ESR1: variants seen among roughly 807,000 people sequenced by gnomAD.
ESR1 encodes estrogen receptor 1, also known as estrogen receptor.
ESR1 carries 12 observed loss-of-function variants against 52.7 expected under a neutral mutation model. The observed-to-expected ratio is 0.23, with a 90% CI of 0.15 to 0.37. The LOEUF is 0.37. Ranked by LOEUF, ESR1 falls within the 10% of genes least tolerant of loss-of-function variation. The pLI, the probability that ESR1 is intolerant of heterozygous loss-of-function variation, is 1.00. For synonymous variants in ESR1, 305 were observed against 316.8 expected (o/e 0.96, Z 0.39); for missense variants, 584 against 779.7 (o/e 0.75, Z 2.99).
At chr6:152,022,338 T>C (rs1000678955) in intron 5 of ESR1, among the ~76,000 whole-genome samples, 11 of 152,340 alleles carry the variant, frequency 7.2e-5, no homozygotes, top group Middle Eastern at 3.4e-3. Context: ...GAGGTAGATG[T>C]TGAGCAACTC....
At chr6:152,028,341 C>G (rs553944094) in intron 5 of ESR1, among the ~76,000 whole-genome samples, 9 of 152,158 alleles carry the variant, frequency 5.9e-5, no homozygotes, top group African/African-American at 2.2e-4. Context: ...CGAAGCAGAG[C>G]GAGGCATCGC....
chr6:152,054,245 C>T (rs528153809), intron 5 of ESR1, among the ~76,000 whole-genome samples: 16 of 151,990 alleles, frequency 1.1e-4, no homozygotes, highest in South Asian at 4.2e-4. Context: ...TCAGACAAAC[C>T]TCTGAATTTC....
intron 5 of ESR1, among the ~76,000 whole-genome samples, chr6:152,026,888 A>C (rs1314400384): frequency 6.6e-6 from 1 of 152,138 alleles, no homozygotes; most frequent in African/African-American, 2.4e-5. Context: ...GTTTGTCAAA[A>C]TCAAATGATA....
intron 4 of ESR1, among the ~76,000 whole-genome samples, chr6:151,956,573 C>T (rs1215060694): frequency 1.3e-5 from 2 of 151,976 alleles, no homozygotes; most frequent in African/African-American, 2.4e-5. Context: ...TGGATGACAG[C>T]ACTGAGGTAG....
chr6:152,118,175 G>A (rs2051231752), intron 6 of ESR1: 1 of 152,162 alleles, frequency 6.6e-6, no homozygotes, highest in South Asian at 2.1e-4. Context: ...AGATCTAACA[G>A]CTTTAATCTC....
At chr6:152,032,097 A>G (rs992441059) in intron 5 of ESR1, among the ~76,000 whole-genome samples, 45 of 152,200 alleles carry the variant, frequency 3.0e-4, no homozygotes, top group Non-Finnish European at 5.3e-4. Context: ...ACAACCCTTC[A>G]TGCTAAAAAC....
At chr6:151,663,350 C>A (rs146933756) in intron 1 of ESR1, among the ~76,000 whole-genome samples, 24 of 152,292 alleles carry the variant, frequency 1.6e-4, no homozygotes, top group African/African-American at 5.8e-4. Context: ...ATTTCAAAAT[C>A]TCTTTTTCTG....
chr6:151,973,755 A>G lies in ESR1; in HGVS notation c.1096+29247A>G, dbSNP rs1246393611. 5.3e-5 allele frequency among the ~76,000 whole-genome samples: 8 copies of G among 152,284 alleles called. No individual in the cohort carries two copies. In the East Asian group the frequency reaches 1.5e-3, roughly 29 times the overall value. On this transcript the variant is annotated intron_variant, in intron 4 of 7. Transcript: ENST00000206249. ...TGAATGCCACCTTGATAGAAAGTGA[A>G]GTTTTGCGTCCTGTTGAACACTCAG...
chr6:152,091,651 C>T (rs1422445949), intron 6 of ESR1, among the ~76,000 whole-genome samples: 2 of 152,002 alleles, frequency 1.3e-5, no homozygotes, highest in Non-Finnish European at 2.9e-5. Context: ...CCCCAGAGGC[C>T]GAGTGCCATG....
intron 2 of ESR1, among the ~76,000 whole-genome samples, chr6:151,751,498 C>T (rs988248813): frequency 2.6e-5 from 4 of 152,174 alleles, no homozygotes; most frequent in East Asian, 1.9e-4. Flanking sequence ...AATGGTGCTC[C>T]GATGGCAGTT....
At chr6:151,710,798 G>A (rs1780545209) in intron 2 of ESR1, among the ~76,000 whole-genome samples, 1 of 151,992 alleles carries the variant, frequency 6.6e-6, no homozygotes, top group Admixed American at 6.6e-5. Context: ...TATGAGTGTG[G>A]CGTTTGGTTT....
At chr6:151,788,905 G>A (rs1165521430) in intron 2 of ESR1, among the ~76,000 whole-genome samples, 2 of 152,162 alleles carry the variant, frequency 1.3e-5, no homozygotes, top group African/African-American at 4.8e-5. Context: ...TACATGATTA[G>A]AATTCATGGA....
intron 1 of ESR1, among the ~76,000 whole-genome samples, chr6:151,678,746 G>A (rs1778346529): frequency 2.0e-5 from 3 of 151,586 alleles, no homozygotes; most frequent in Admixed American, 2.0e-4. Flanking sequence ...GAGTACAGTG[G>A]CGCAATCTCA....
chr6:152,022,843 G>A (rs907283287), intron 5 of ESR1, among the ~76,000 whole-genome samples: 5 of 152,072 alleles, frequency 3.3e-5, no homozygotes, highest in African/African-American at 1.2e-4. Flanking sequence ...CGGGCTTGGT[G>A]GTGCATGCCT....
At chr6:151,786,912 C>T (rs147306291) in intron 2 of ESR1, among the ~76,000 whole-genome samples, 38 of 152,280 alleles carry the variant, frequency 2.5e-4, no homozygotes, top group African/African-American at 5.1e-4. Context: ...CAGGTTCAAG[C>T]GATTCCCCTG....
chr6:151,902,881 CTA>C (rs1796901566), intron 3 of ESR1, among the ~76,000 whole-genome samples: 1 of 152,170 alleles, frequency 6.6e-6, no homozygotes, highest in Non-Finnish European at 1.5e-5. Flanking sequence ...TATAAGGAAA[CTA>C]TAATTCTTAA....
At chr6:151,775,097 T>A (rs1235727951) in intron 2 of ESR1, among the ~76,000 whole-genome samples, 4 of 152,094 alleles carry the variant, frequency 2.6e-5, no homozygotes, top group African/African-American at 9.7e-5. Flanking sequence ...AGGACTGAAG[T>A]GGCAGGAGAG....
At chr6:152,028,732 A>G (rs1006269230) in intron 5 of ESR1, among the ~76,000 whole-genome samples, 7 of 152,214 alleles carry the variant, frequency 4.6e-5, no homozygotes, top group African/African-American at 1.4e-4. Context: ...GGCATAGCCA[A>G]ACAGAAGGCA....
At chr6:152,109,303 A>G (rs2051103279) in intron 6 of ESR1, among the ~76,000 whole-genome samples, 1 of 152,134 alleles carries the variant, frequency 6.6e-6, no homozygotes, top group South Asian at 2.1e-4. Flanking sequence ...AAATTTTCAT[A>G]GTTTTCATTA....
Sources: allele counts gnomAD v4.1 joint callset (sites outside exome capture counted in the v4.1 genomes callset), GRCh38; gene constraint gnomAD v4.1.1; transcripts MANE v1.5; gene names NCBI Gene and HGNC (gene_info 2026-07-23, HGNC 2026-07-21).